The following ABCC1 variants were observed in gnomAD, a reference collection of about 807,000 sequenced individuals.
The protein encoded by ABCC1 is ATP binding cassette subfamily C member 1 (ABCC1 blood group), also known as multidrug resistance-associated protein 1.
A neutral mutation model predicts 172.9 loss-of-function variants in ABCC1; 83 were observed. The observed-to-expected ratio is 0.48, with a 90% CI of 0.40 to 0.58. The LOEUF (loss-of-function observed/expected upper bound fraction) is 0.58, where lower values mean the gene tolerates loss of function less well. ABCC1 is among the 20% of genes least tolerant of loss of function. The pLI is 0.00. For missense variants in ABCC1, 1,817 were observed against 2,002.7 expected, an observed-to-expected ratio of 0.91 and a Z score of 1.77; for synonymous variants, 937 against 825.2, an observed-to-expected ratio of 1.14 and a Z score of -2.32.
intron 10 of ABCC1, 122 bp downstream of exon 10, chr16:16,048,425 G>A: frequency 8.4e-7 from 1 of 1,186,186 alleles, no homozygotes; most frequent in Non-Finnish European, 1.2e-6. Flanking sequence ...TCCGGCTGTG[G>A]TTCATATTTT....
chr16:15,974,300 C>T (rs903654155), intron 1 of ABCC1, among the ~76,000 whole-genome samples: 16 of 152,102 alleles, frequency 1.1e-4, no homozygotes, highest in African/African-American at 3.9e-4. Context: ...CTTGTGGAGA[C>T]AAGAAGGCAG....
At chr16:16,004,517 C>T (rs889628345) in intron 1 of ABCC1, among the ~76,000 whole-genome samples, 1 of 152,132 alleles carries the variant, frequency 6.6e-6, no homozygotes, top group East Asian at 1.9e-4. Context: ...GTCATGCCTT[C>T]TCCACGATCA....
intron 7 of ABCC1, 60 bp downstream of exon 7, chr16:16,036,663 G>T: frequency 6.3e-7 from 1 of 1,582,324 alleles, no homozygotes; most frequent in Non-Finnish European, 8.6e-7. Flanking sequence ...CACTCCTGTG[G>T]CCTCAATCCA....
At chr16:15,989,322 G>A (rs774787059) in intron 1 of ABCC1, among the ~76,000 whole-genome samples, 4 of 152,270 alleles carry the variant, frequency 2.6e-5, no homozygotes, top group East Asian at 3.9e-4. Context: ...CTGCCCACGC[G>A]ATGCTGGCTT....
chr16:16,005,908 C>T (rs1281468103), intron 1 of ABCC1, among the ~76,000 whole-genome samples: 3 of 151,530 alleles, frequency 2.0e-5, no homozygotes, highest in African/African-American at 7.3e-5. Flanking sequence ...GAGCCGAGAT[C>T]GCTTGAACCC....
At chr16:15,980,653 T>C (rs747840689) in intron 1 of ABCC1, among the ~76,000 whole-genome samples, 9 of 152,200 alleles carry the variant, frequency 5.9e-5, no homozygotes, top group Non-Finnish European at 1.2e-4. Context: ...ATGGGGATTA[T>C]GAGAACTACA....
At chr16:16,071,820 C>T (rs1459935009) in intron 14 of ABCC1, 91 bp downstream of exon 14, 2 of 1,234,522 alleles carry the variant, frequency 1.6e-6, no homozygotes, top group Non-Finnish European at 2.3e-6. Flanking sequence ...CCCTTGGCTG[C>T]CCTCAGGTTT....
intron 1 of ABCC1, among the ~76,000 whole-genome samples, chr16:15,999,584 C>T (rs2047175166): frequency 6.6e-6 from 1 of 150,678 alleles, no homozygotes; most frequent in Admixed American, 6.6e-5. Flanking sequence ...CATTGCACTC[C>T]AGCCTGGGCA....
intron 26 of ABCC1, among the ~76,000 whole-genome samples, chr16:16,127,876 T>C (rs2045502563): frequency 6.6e-6 from 1 of 152,006 alleles, no homozygotes; most frequent in South Asian, 2.1e-4. Flanking sequence ...GGCTTCCAAC[T>C]TGACACTGAA....
At chr16:15,985,146 A>G (rs186410567) in intron 1 of ABCC1, among the ~76,000 whole-genome samples, 225 of 152,316 alleles carry the variant, frequency 1.5e-3, no homozygotes, top group Middle Eastern at 3.4e-3. Flanking sequence ...GGTGAAATTT[A>G]AAAAATAAAT....
intron 1 of ABCC1, among the ~76,000 whole-genome samples, chr16:15,996,797 C>G (rs1467431135): frequency 1.3e-5 from 2 of 152,092 alleles, no homozygotes; most frequent in African/African-American, 4.8e-5. Flanking sequence ...GAAGGCAGGT[C>G]AAGGCCAGGG....
chr16:16,132,956 G>A (rs1370309252), intron 27 of ABCC1, among the ~76,000 whole-genome samples: 2 of 152,116 alleles, frequency 1.3e-5, no homozygotes, highest in Non-Finnish European at 2.9e-5. Context: ...GCTCTTTCTA[G>A]TCAACCTGTG....
intron 14 of ABCC1, chr16:16,076,039 G>A (rs754527664): frequency 4.0e-6 from 2 of 502,096 alleles, no homozygotes; most frequent in East Asian, 3.6e-5. Context: ...TGCGGCCCCC[G>A]CCTCTGCAGT....
At chr16:16,025,535 G>T (rs905969318) in intron 5 of ABCC1, among the ~76,000 whole-genome samples, 4 of 152,232 alleles carry the variant, frequency 2.6e-5, no homozygotes, top group African/African-American at 9.6e-5. Flanking sequence ...TGCAGGGGTT[G>T]TGGGGGGCAC....
chr16:15,990,992 A>G (rs930536233), intron 1 of ABCC1, among the ~76,000 whole-genome samples: 4 of 151,904 alleles, frequency 2.6e-5, no homozygotes, highest in African/African-American at 9.7e-5. Flanking sequence ...AGGCTGAGCG[A>G]TAGTCCATGG....
At chr16:16,013,091 T>C (rs2047853860) in intron 3 of ABCC1, among the ~76,000 whole-genome samples, 1 of 152,280 alleles carries the variant, frequency 6.6e-6, no homozygotes, top group Non-Finnish European at 1.5e-5. Flanking sequence ...TGAGCTGGGC[T>C]GGCCAAGAGG....
Position 16,141,286 on chromosome 16 carries a change from C to T in ABCC1, c.*5C>T, listed in dbSNP as rs1310031179. 1 of 1,613,778 alleles carries T rather than the reference C, an allele frequency of 6.2e-7. No individual in the cohort carries two copies. On this transcript the variant is annotated 3_prime_UTR_variant, in exon 31 of 31. Transcript: ENST00000399410. Reference sequence around the variant, plus strand: ...AAAGACGCCGGCTTGGTGTGAGCCCCAGAGCTGGCATATCTGGTCAGAACT... The same window carrying T: ...AAAGACGCCGGCTTGGTGTGAGCCCTAGAGCTGGCATATCTGGTCAGAACT...
At chr16:16,107,580 C>T (rs972805330) in intron 21 of ABCC1, among the ~76,000 whole-genome samples, 11 of 152,158 alleles carry the variant, frequency 7.2e-5, no homozygotes, top group East Asian at 1.9e-4. Context: ...GTGAGCACCG[C>T]GTCCTGCCTG....
intron 27 of ABCC1, among the ~76,000 whole-genome samples, chr16:16,133,141 T>C (rs1439058673): frequency 6.6e-6 from 1 of 152,178 alleles, no homozygotes; most frequent in Non-Finnish European, 1.5e-5. Flanking sequence ...TCCGAGCTGT[T>C]CTTGGAAGAG....
Sources: gnomAD v4.1 joint callset for allele counts (sites outside exome capture counted in the v4.1 genomes callset) on GRCh38, gnomAD v4.1.1 for gene constraint, MANE v1.5 for transcripts, NCBI Gene and HGNC (gene_info 2026-07-23, HGNC 2026-07-21) for gene names.